IQCM: variants seen among roughly 807,000 people sequenced by gnomAD.
IQCM encodes IQ motif containing M, also known as IQ domain-containing protein M.
IQCM carries 45 observed loss-of-function variants against 57.6 expected under a neutral mutation model. That is an observed-to-expected ratio of 0.78 (90% CI 0.62 to 1.00). The LOEUF is 1.00. IQCM is among the 50% of genes least tolerant of loss of function. The pLI, the probability that IQCM is intolerant of heterozygous loss-of-function variation, is 0.00. For synonymous variants in IQCM, 148 were observed against 158.9 expected (o/e 0.93, Z 0.51); for missense variants, 468 against 511.6 (o/e 0.91, Z 0.82).
intron 12 of IQCM, among the ~76,000 whole-genome samples, chr4:149,492,246 C>T (rs1021886467): frequency 1.3e-5 from 2 of 151,920 alleles, no homozygotes; most frequent in African/African-American, 2.4e-5. Flanking sequence ...GGTCTTTGAT[C>T]AAAGTAAGTG....
In IQCM at chr4:149,481,696, G is replaced by GTTTTTTTTTTTTTTTTTGTT. The variant is rs1197852884; in HGVS notation, c.1229-48140_1229-48139insAACAAAAAAAAAAAAAAAAA. Among the ~76,000 whole-genome samples, 71 of 33,564 alleles carry GTTTTTTTTTTTTTTTTTGTT rather than the reference G, an allele frequency of 2.1e-3. 1 individual carries two copies. Among genetic ancestry groups the GTTTTTTTTTTTTTTTTTGTT allele is most frequent in the African/African-American group, 5.4e-3 (44 of 8,104 alleles). The allele number at this position is 33,564 out of a possible 152,430, so 22.0% of individuals were successfully genotyped here. A position where few individuals can be genotyped will look rare whatever the true frequency, so the allele number is the denominator to read the frequency against. ...GAAGTCATGTAATGTGATTCTTCCAGTTTTGTTTTTTTTTTTTTTTTTTTT... is the reference window on the plus strand; with the variant it reads ...GAAGTCATGTAATGTGATTCTTCCAGTTTTTTTTTTTTTTTTTGTTTTTTGTTTTTTTTTTTTTTTTTTTT... On this transcript the variant is annotated intron_variant, in intron 12 of 13. Transcript: ENST00000636793.
intron 3 of IQCM, among the ~76,000 whole-genome samples, chr4:149,742,099 A>G (rs2359576): frequency 0.11 from 16,834 of 152,100 alleles, 1,420 homozygotes; most frequent in African/African-American, 0.22. Flanking sequence ...AATAAAATAC[A>G]TCTAAATATT....
At position 149,391,349 on chromosome 4, in the gene IQCM, T is replaced by C. The variant is rs572829271; in HGVS notation, c.1391-39283A>G. Among the ~76,000 whole-genome samples the C allele has an allele frequency of 2.8e-4, 42 of 152,062 alleles. No homozygotes were observed. The South Asian group carries it at 8.3e-3, about 30-fold the overall frequency. On this transcript the variant is annotated intron_variant, in intron 13 of 13. Transcript: ENST00000636793. ...AAGGTCAATAACAATAGCCCCCCTT[T>C]TATTCTTGAATTTAGTAATTTGAGT...
intron 2 of IQCM, among the ~76,000 whole-genome samples, chr4:149,812,580 G>A (rs78635212): frequency 0.043 from 6,505 of 151,272 alleles, 488 homozygotes; most frequent in East Asian, 0.21. Context: ...TATTTACAGA[G>A]TATTCTCTTA....
chr4:149,586,218 G>T (rs1317230435), intron 9 of IQCM, among the ~76,000 whole-genome samples: 1 of 151,638 alleles, frequency 6.6e-6, no homozygotes, highest in Non-Finnish European at 1.5e-5. Flanking sequence ...ACATGTGACT[G>T]TTATAATTTA....
chr4:149,734,212 T>C (rs1766723658), intron 4 of IQCM, among the ~76,000 whole-genome samples: 1 of 152,178 alleles, frequency 6.6e-6, no homozygotes, highest in Non-Finnish European at 1.5e-5. Flanking sequence ...AAATTGTTGC[T>C]GACTCAAAAG....
chr4:149,469,998 A>G lies in IQCM; in HGVS notation c.1229-36441T>C, dbSNP rs756891872. Reference sequence around the variant, plus strand: ...GCACTAAACATGGAAAGGAACAACCAGTACCAGCCACTGCAAAAACATGCC... The same window carrying G: ...GCACTAAACATGGAAAGGAACAACCGGTACCAGCCACTGCAAAAACATGCC... On this transcript the variant is annotated intron_variant, in intron 12 of 13. Coordinates refer to ENST00000636793, the MANE Select transcript of IQCM (RefSeq NM_001363507.2). Among the ~76,000 whole-genome samples the G allele has an allele frequency of 1.9e-3, 292 of 152,294 alleles. 1 individual carries two copies. Among genetic ancestry groups the G allele is most frequent in the Middle Eastern group, 0.01 (3 of 294 alleles).
chr4:149,774,852 G>A (rs1770930692), intron 2 of IQCM, among the ~76,000 whole-genome samples: 1 of 150,480 alleles, frequency 6.6e-6, no homozygotes, highest in African/African-American at 2.5e-5. Flanking sequence ...ATATATAAAA[G>A]AGAAGATAGA....
At chr4:149,439,778 T>A (rs1233892905) in intron 12 of IQCM, among the ~76,000 whole-genome samples, 1 of 152,092 alleles carries the variant, frequency 6.6e-6, no homozygotes, top group African/African-American at 2.4e-5. Flanking sequence ...TTAGTTACAT[T>A]TGTGAGAGTA....
intron 13 of IQCM, among the ~76,000 whole-genome samples, chr4:149,422,164 G>C (rs1415066025): frequency 6.6e-6 from 1 of 151,874 alleles, no homozygotes; most frequent in Admixed American, 6.6e-5. Context: ...CATCTAATAA[G>C]TATCAGTTTT....
intron 12 of IQCM, among the ~76,000 whole-genome samples, chr4:149,509,590 A>C (rs1462174970): frequency 6.6e-6 from 1 of 152,114 alleles, no homozygotes; most frequent in Non-Finnish European, 1.5e-5. Flanking sequence ...AAAAACAAGA[A>C]ATCTGACATC....
intron 13 of IQCM, among the ~76,000 whole-genome samples, chr4:149,423,651 C>G (rs1346975109): frequency 6.6e-6 from 1 of 152,030 alleles, no homozygotes; most frequent in Non-Finnish European, 1.5e-5. Context: ...TGTTTTACAT[C>G]ACTCATCACT....
intron 12 of IQCM, among the ~76,000 whole-genome samples, chr4:149,478,161 C>A (rs2149743938): frequency 6.6e-6 from 1 of 152,238 alleles, no homozygotes; most frequent in African/African-American, 2.4e-5. Context: ...GTGAAAAGCA[C>A]ATGAAAAGCC....
intron 12 of IQCM, among the ~76,000 whole-genome samples, chr4:149,460,824 G>A (rs1053126577): frequency 1.3e-5 from 2 of 152,062 alleles, no homozygotes; most frequent in African/African-American, 4.8e-5. Flanking sequence ...ATATCTAATG[G>A]AATAAAGGAG....
intron 7 of IQCM, among the ~76,000 whole-genome samples, chr4:149,679,820 A>C (rs1242838503): frequency 6.6e-6 from 1 of 151,270 alleles, no homozygotes; most frequent in Non-Finnish European, 1.5e-5. Flanking sequence ...TATTATGTAG[A>C]GTTATAATAA....
At chr4:149,666,650 C>T (rs1760752793) in intron 7 of IQCM, among the ~76,000 whole-genome samples, 2 of 152,188 alleles carry the variant, frequency 1.3e-5, no homozygotes, top group Admixed American at 6.5e-5. Flanking sequence ...CCTACCCCTA[C>T]AGAGCCCAAC....
intron 2 of IQCM, among the ~76,000 whole-genome samples, chr4:149,756,827 G>A (rs1018255727): frequency 6.6e-5 from 10 of 152,072 alleles, no homozygotes; most frequent in African/African-American, 1.4e-4. Flanking sequence ...ACTGAGCAAC[G>A]TTTAAAGAAA....
rs1055924853 is a variant in IQCM, at chr4:149,673,404, C to T, written c.565+8714G>A. ...TCTCACGTGCAGAGACACACATAGG[C>T]TCAAAATAAAGGGATGGAGGAAGAT... On this transcript the variant is annotated intron_variant, in intron 7 of 13. Coordinates refer to ENST00000636793, the MANE Select transcript of IQCM (RefSeq NM_001363507.2). Among the ~76,000 whole-genome samples the T allele has an allele frequency of 1.5e-3, 224 of 151,956 alleles. 1 individual carries two copies. Among genetic ancestry groups the T allele is most frequent in the African/African-American group, 5.2e-3 (216 of 41,392 alleles).
intron 2 of IQCM, among the ~76,000 whole-genome samples, chr4:149,782,431 G>A (rs1771689125): frequency 6.6e-6 from 1 of 152,004 alleles, no homozygotes; most frequent in Admixed American, 6.6e-5. Context: ...GAAACAAAGT[G>A]AGACTCTCTC....
Sources: gnomAD v4.1 joint callset for allele counts (sites outside exome capture counted in the v4.1 genomes callset) on GRCh38, gnomAD v4.1.1 for gene constraint, MANE v1.5 for transcripts, NCBI Gene and HGNC (gene_info 2026-07-23, HGNC 2026-07-21) for gene names.